The following STXBP5L variants were observed in gnomAD, a reference collection of about 807,000 sequenced individuals.
STXBP5L encodes syntaxin binding protein 5L.
STXBP5L carries 65 observed loss-of-function variants against 144.5 expected under a neutral mutation model. That is an observed-to-expected ratio of 0.45 (90% confidence interval 0.37 to 0.55). STXBP5L has a LOEUF of 0.55. Ranked by LOEUF, STXBP5L falls within the 20% of genes least tolerant of loss-of-function variation. STXBP5L has a pLI of 0.00. For missense variants in STXBP5L, 1,298 were observed against 1,405.5 expected, an observed-to-expected ratio of 0.92 and a Z score of 1.22; for synonymous variants, 505 against 469.6, an observed-to-expected ratio of 1.08 and a Z score of -0.97.
chr3:121,126,249 A>G (rs2044697520), intron 7 of STXBP5L, among the ~76,000 whole-genome samples: 1 of 152,200 alleles, frequency 6.6e-6, no homozygotes, highest in Admixed American at 6.5e-5. Flanking sequence ...AAAATGTTTT[A>G]TTGAACACAG....
chr3:121,182,228 A>G (rs2047186697), intron 9 of STXBP5L, among the ~76,000 whole-genome samples: 1 of 152,226 alleles, frequency 6.6e-6, no homozygotes, highest in African/African-American at 2.4e-5. Flanking sequence ...CATTCTTCTC[A>G]TCAGCACGTG....
chr3:121,230,557 C>T lies in STXBP5L; in HGVS notation c.1112-3059C>T, dbSNP rs145685909. 7.2e-3 allele frequency among the ~76,000 whole-genome samples: 1,101 copies of T among 151,974 alleles called. 12 individuals carry two copies. The highest frequency in any genetic ancestry group is 0.025 in the African/African-American group (1,056 of 41,456). On this transcript the variant is annotated intron_variant, in intron 11 of 26. Coordinates refer to ENST00000471454, the MANE Select transcript of STXBP5L (RefSeq NM_001308330.2). ...TTCCCATCAAATCAACAATCTTAGACTAGTCCCATTTGCCAAAAGATTTCT... is the reference window on the plus strand; with the variant it reads ...TTCCCATCAAATCAACAATCTTAGATTAGTCCCATTTGCCAAAAGATTTCT...
intron 3 of STXBP5L, among the ~76,000 whole-genome samples, chr3:121,018,108 G>A (rs2108189333): frequency 6.7e-6 from 1 of 149,372 alleles, no homozygotes; most frequent in South Asian, 2.1e-4. Context: ...TGAATGAAGA[G>A]ATATTCCAGG....
intron 22 of STXBP5L, 152 bp downstream of exon 22, chr3:121,381,684 C>T: frequency 1.0e-6 from 1 of 982,176 alleles, no homozygotes; most frequent in Non-Finnish European, 1.4e-6. Context: ...CATATACCAT[C>T]CCAACATCTG....
At chr3:121,056,513 A>T (rs1051608076) in intron 5 of STXBP5L, among the ~76,000 whole-genome samples, 2 of 152,176 alleles carry the variant, frequency 1.3e-5, no homozygotes, top group African/African-American at 4.8e-5. Flanking sequence ...TCTCTGGCAA[A>T]CTGGATCCAT....
At chr3:121,190,790 G>A (rs1006262938) in intron 9 of STXBP5L, among the ~76,000 whole-genome samples, 22 of 94,290 alleles carry the variant, frequency 2.3e-4, no homozygotes, top group Middle Eastern at 0.012. Context: ...AGATGGGGCG[G>A]CTGCTGGGCG....
chr3:121,019,178 C>T (rs1945364880), intron 3 of STXBP5L, among the ~76,000 whole-genome samples: 1 of 152,136 alleles, frequency 6.6e-6, no homozygotes, highest in Admixed American at 6.5e-5. Flanking sequence ...TCTCCATTGG[C>T]CTGAAAACCA....
chr3:121,301,426 C>T (rs1435298934), intron 19 of STXBP5L, among the ~76,000 whole-genome samples: 1 of 152,136 alleles, frequency 6.6e-6, no homozygotes, highest in Non-Finnish European at 1.5e-5. Context: ...AGTTGGTTAT[C>T]AGCTTAAGGA....
intron 3 of STXBP5L, among the ~76,000 whole-genome samples, chr3:121,005,851 G>A (rs1944247145): frequency 6.6e-6 from 1 of 152,180 alleles, no homozygotes; most frequent in Non-Finnish European, 1.5e-5. Flanking sequence ...TTTCCATGTA[G>A]TTGAGTGGTT....
chr3:121,363,210 A>G (rs529166025), intron 20 of STXBP5L, among the ~76,000 whole-genome samples: 1 of 152,100 alleles, frequency 6.6e-6, no homozygotes, highest in South Asian at 2.1e-4. Context: ...GTTATGGGAG[A>G]GGTGATACCA....
chr3:121,022,169 G>T (rs556275555), intron 3 of STXBP5L, among the ~76,000 whole-genome samples: 21 of 152,154 alleles, frequency 1.4e-4, no homozygotes, highest in South Asian at 6.2e-4. Context: ...AAAACCTAGA[G>T]GAGATGGATA....
intron 11 of STXBP5L, among the ~76,000 whole-genome samples, chr3:121,227,622 A>G (rs1455029219): frequency 6.6e-6 from 1 of 152,150 alleles, no homozygotes; most frequent in African/African-American, 2.4e-5. Flanking sequence ...ATTTTGGACT[A>G]TAGCCCATTG....
chr3:121,139,750 G>T (rs1476230796), intron 7 of STXBP5L, among the ~76,000 whole-genome samples: 1 of 152,016 alleles, frequency 6.6e-6, no homozygotes, highest in Non-Finnish European at 1.5e-5. Context: ...TATGAAACTT[G>T]AAGAGGGAGG....
In STXBP5L at chr3:121,215,330, AT is replaced by A. The variant is rs1173161937; in HGVS notation, c.957-7672del. The stretch of plus-strand genomic sequence containing the variant: ...CTTTACAATATGGTATGTTTTTGCA[AT>A]GGCTAGTACCAGTTTTTTGTTTCCA... On this transcript the variant is annotated intron_variant, in intron 10 of 26. Coordinates refer to ENST00000471454, the MANE Select transcript of STXBP5L (RefSeq NM_001308330.2). Among the ~76,000 whole-genome samples the A allele has an allele frequency of 2.6e-5, 4 of 152,030 alleles. No homozygotes were observed. The South Asian group carries it at 8.3e-4, about 31-fold the overall frequency.
chr3:120,999,211 T>C (rs1489921320), intron 3 of STXBP5L, among the ~76,000 whole-genome samples: 1 of 151,938 alleles, frequency 6.6e-6, no homozygotes, highest in Non-Finnish European at 1.5e-5. Flanking sequence ...TGCTACCACG[T>C]TCAGCTAATT....
At chr3:121,144,326 G>A (rs1473674005) in intron 7 of STXBP5L, among the ~76,000 whole-genome samples, 2 of 151,646 alleles carry the variant, frequency 1.3e-5, no homozygotes, top group Non-Finnish European at 3.0e-5. Context: ...TTTTATATAA[G>A]TCCTAAGGTA....
At chr3:120,991,051 G>A (rs1345133974) in intron 3 of STXBP5L, among the ~76,000 whole-genome samples, 3 of 151,574 alleles carry the variant, frequency 2.0e-5, no homozygotes, top group East Asian at 1.9e-4. Flanking sequence ...GCAACCTACA[G>A]AATGGGAGAA....
intron 16 of STXBP5L, among the ~76,000 whole-genome samples, chr3:121,255,665 ATAAT>A (rs985643263): frequency 1.3e-5 from 2 of 152,040 alleles, no homozygotes; most frequent in Non-Finnish European, 2.9e-5. Context: ...TTTGACATAA[ATAAT>A]TATTTCTCAG....
intron 2 of STXBP5L, among the ~76,000 whole-genome samples, chr3:120,934,355 G>A (rs1250186662): frequency 6.6e-6 from 1 of 151,936 alleles, no homozygotes; most frequent in East Asian, 1.9e-4. Context: ...TATGGTCTTA[G>A]AGCATACTTT....
Sources: allele counts gnomAD v4.1 joint callset (sites outside exome capture counted in the v4.1 genomes callset), GRCh38; gene constraint gnomAD v4.1.1; transcripts MANE v1.5; gene names NCBI Gene and HGNC (gene_info 2026-07-23, HGNC 2026-07-21).